Variants in UFD1 observed in about 807,000 individuals in gnomAD.
The protein encoded by UFD1 is ubiquitin recognition factor in ER associated degradation 1.
UFD1 carries 13 observed loss-of-function variants against 45.9 expected under a neutral mutation model. The observed-to-expected ratio is 0.28, with a 90% CI of 0.18 to 0.45. The LOEUF is 0.45. Among genes scored for constraint, UFD1 ranks in the 20% least tolerant of loss-of-function variants. The pLI is 1.00. For missense variants in UFD1, 218 were observed against 389.2 expected, an observed-to-expected ratio of 0.56 and a Z score of 3.70; for synonymous variants, 128 against 139.2, an observed-to-expected ratio of 0.92 and a Z score of 0.56.
intron 5 of UFD1, chr22:19,465,636 G>C: frequency 4.3e-6 from 1 of 231,878 alleles, no homozygotes; most frequent in South Asian, 6.5e-5. Flanking sequence ...TGACAGGAAA[G>C]GACCTTTTGG....
intron 11 of UFD1, chr22:19,451,461 C>T (rs998219848): frequency 2.0e-6 from 2 of 985,276 alleles, no homozygotes; most frequent in Non-Finnish European, 2.4e-6. Flanking sequence ...CCCTCAGAAA[C>T]ATTCCACTAA....
At chr22:19,467,704 C>T (rs2089813396) in intron 5 of UFD1, 169 bp downstream of exon 5, 1 of 1,244,698 alleles carries the variant, frequency 8.0e-7, no homozygotes, top group South Asian at 1.5e-5. Context: ...TGCACTTGGC[C>T]AGGGCCACGC....
chr22:19,476,870 G>A (rs1215246967), intron 1 of UFD1, among the ~76,000 whole-genome samples: 2 of 151,738 alleles, frequency 1.3e-5, no homozygotes, highest in Admixed American at 6.6e-5. Context: ...AGCCGGGCGT[G>A]GTGGTACACG....
rs2089718163 is a variant in UFD1, at chr22:19,455,786, G to A, written c.679-18C>T. ...GAGAAAGCCTAGACAGGAAGTAGGTGAGTCATATAATAAGCCCAAGTGTGA... is the reference window on the plus strand; with the variant it reads ...GAGAAAGCCTAGACAGGAAGTAGGTAAGTCATATAATAAGCCCAAGTGTGA... On this transcript the variant is annotated intron_variant, in intron 9 of 11. Transcript: ENST00000263202. 1 of 1,612,228 alleles carries A rather than the reference G, an allele frequency of 6.2e-7. No individual in the cohort carries two copies.
chr22:19,454,223 C>A (rs1359109309), intron 11 of UFD1: 26 of 993,038 alleles, frequency 2.6e-5, no homozygotes, highest in Non-Finnish European at 3.0e-5. Context: ...ACACCCTACA[C>A]CAGCTCTACA....
intron 6 of UFD1, among the ~76,000 whole-genome samples, chr22:19,459,798 G>A (rs1386839180): frequency 7.0e-6 from 1 of 143,728 alleles, no homozygotes; most frequent in Admixed American, 7.3e-5. Context: ...GAGTGCAATG[G>A]TATGGTCTTG....
intron 5 of UFD1, chr22:19,465,874 AGTT>A (rs2089798226): frequency 6.6e-6 from 1 of 152,282 alleles, no homozygotes; most frequent in African/African-American, 2.4e-5. Context: ...TGATAACTTT[AGTT>A]AATAGAAATT....
chr22:19,472,151 A>AAAC (rs35670257), intron 3 of UFD1, among the ~76,000 whole-genome samples: 128,759 of 152,010 alleles, frequency 0.85, 54,583 homozygotes, highest in South Asian at 0.92. Context: ...CCAACAAAGA[A>AAAC]AACCACAACC....
At position 19,471,816 on chromosome 22, in the gene UFD1, TAAGA is replaced by T; in HGVS notation, c.170-12_170-9del. 6.2e-7 allele frequency: 1 copy of T among 1,612,466 alleles called. No individual in the cohort carries two copies. The highest frequency in any genetic ancestry group is 1.1e-5 in the South Asian group (1 of 90,942). On this transcript the variant is annotated splice_polypyrimidine_tract_variant and intron_variant, in intron 3 of 11. Transcript: ENST00000263202. The stretch of plus-strand genomic sequence containing the variant: ...AGGTAATGTTAAGTCGGCCTGAAAA[TAAGA>T]GAGAGACTATGAGGCACAGCTCCTA...
At chr22:19,455,618 C>T (rs1235454039) in intron 10 of UFD1, 62 bp downstream of exon 10, 26 of 1,541,538 alleles carry the variant, frequency 1.7e-5, no homozygotes, top group African/African-American at 4.1e-5. Context: ...TGAGGCTGCC[C>T]GACCCCAGCG....
At chr22:19,459,518 G>A (rs1003541160) in intron 6 of UFD1, among the ~76,000 whole-genome samples, 8 of 152,064 alleles carry the variant, frequency 5.3e-5, no homozygotes, top group African/African-American at 1.9e-4. Context: ...GGGAGGCTGA[G>A]GCAGGAGAAT....
Position 19,450,666 on chromosome 22 carries a change from T to C in UFD1, c.*4A>G. 1 of 1,614,182 alleles carries C rather than the reference T, an allele frequency of 6.2e-7. No individual in the cohort carries two copies. Among genetic ancestry groups the C allele is most frequent in the Non-Finnish European group, 8.5e-7 (1 of 1,180,016 alleles). On this transcript the variant is annotated 3_prime_UTR_variant, in exon 12 of 12. Coordinates refer to ENST00000263202, the MANE Select transcript of UFD1 (RefSeq NM_005659.7). ...TTATTTTCCAATCAGCCAACAGTCC[T>C]CACTTAGGGCTTTCTTCCCTTTTTA... is the stretch of plus-strand genomic sequence containing the variant.
intron 4 of UFD1, among the ~76,000 whole-genome samples, chr22:19,468,767 G>A (rs1264660398): frequency 6.6e-6 from 1 of 152,158 alleles, no homozygotes; most frequent in Non-Finnish European, 1.5e-5. Flanking sequence ...CTCACGTCGT[G>A]GCTCAGTCCA....
chr22:19,475,393 G>A, intron 2 of UFD1, 77 bp downstream of exon 2: 1 of 1,576,042 alleles, frequency 6.3e-7, no homozygotes, highest in Non-Finnish European at 8.6e-7. Flanking sequence ...CACATGCAAA[G>A]TAAGTACTGT....
intron 7 of UFD1, 47 bp downstream of exon 7, chr22:19,458,024 C>A (rs1259573437): frequency 1.9e-6 from 3 of 1,609,006 alleles, no homozygotes; most frequent in Non-Finnish European, 1.7e-6. Flanking sequence ...ACCAACTGCC[C>A]ATCCTCCCAG....
chr22:19,461,252 T>C (rs912583133), intron 6 of UFD1, among the ~76,000 whole-genome samples: 4 of 152,276 alleles, frequency 2.6e-5, no homozygotes, highest in African/African-American at 9.6e-5. Context: ...TATTTACCCA[T>C]TCATCTGCAA....
At chr22:19,473,742 G>A (rs1278001909) in intron 3 of UFD1, among the ~76,000 whole-genome samples, 3 of 152,200 alleles carry the variant, frequency 2.0e-5, no homozygotes, top group South Asian at 2.1e-4. Flanking sequence ...CTGATGCACA[G>A]ACACTGTAGA....
chr22:19,469,954 G>A (rs767576992), intron 4 of UFD1: 1 of 518,496 alleles, frequency 1.9e-6, no homozygotes, highest in African/African-American at 1.9e-5. Flanking sequence ...GAGAACCTTC[G>A]AGATACAGTG....
intron 1 of UFD1, chr22:19,478,822 A>C: frequency 3.8e-6 from 2 of 529,534 alleles, no homozygotes; most frequent in East Asian, 6.8e-5. Flanking sequence ...AATGGACACA[A>C]ACCTTCCTTT....
Sources: gnomAD v4.1 joint callset for allele counts (sites outside exome capture counted in the v4.1 genomes callset) on GRCh38, gnomAD v4.1.1 for gene constraint, MANE v1.5 for transcripts, NCBI Gene and HGNC (gene_info 2026-07-23, HGNC 2026-07-21) for gene names.